CCNT2: variants seen among roughly 807,000 people sequenced by gnomAD.
CCNT2 encodes cyclin T2.
Under a neutral mutation model 70.0 loss-of-function variants are expected in CCNT2, and 18 were observed. The ratio of observed to expected loss-of-function variants is 0.26; its 90% CI spans 0.18 to 0.38. The LOEUF (loss-of-function observed/expected upper bound fraction) is 0.38, where lower values mean the gene tolerates loss of function less well. Among genes scored for constraint, CCNT2 ranks in the 10% least tolerant of loss-of-function variants. The pLI, the probability that CCNT2 is intolerant of heterozygous loss-of-function variation, is 1.00. For synonymous variants in CCNT2, 334 were observed against 313.3 expected (o/e 1.07, Z -0.70); for missense variants, 734 against 890.2 (o/e 0.82, Z 2.23).
chr2:134,943,847 A>G, intron 5 of CCNT2: 2 of 985,070 alleles, frequency 2.0e-6, no homozygotes, highest in Non-Finnish European at 2.4e-6. Flanking sequence ...AGAATTTTGC[A>G]GTTTCATTCA....
Position 134,936,882 on chromosome 2 carries a change from A to G in CCNT2, c.282A>G (p.Glu94=). ...CATTATTTTTGGCTGCAAAAGTGGA[A>G]GAACAGGCTCGAAAACTTGAACATG... ...STALFLAAKV[E]EQARKLEHVI... is the part of the protein sequence containing the mutation. The change falls in exon 3 of 9, where the codon GAA becomes GAG. Residue 94 remains glutamate (E), a synonymous_variant. Transcript: ENST00000264157. 1.2e-6 allele frequency: 2 copies of G among 1,613,692 alleles called. No homozygotes were observed. The highest frequency in any genetic ancestry group is 1.7e-6 in the Non-Finnish European group (2 of 1,179,632).
chr2:134,952,908 T>A (rs1389428811), intron 8 of CCNT2, 197 bp downstream of exon 8: 16 of 491,986 alleles, frequency 3.3e-5, no homozygotes, highest in Non-Finnish European at 5.0e-5. Flanking sequence ...TTTTAAAAAA[T>A]TTTTTGCAGT....
At position 134,952,747 on chromosome 2, in the gene CCNT2, CT is replaced by C. The variant is rs755696650; in HGVS notation, c.774+40del. On this transcript the variant is annotated intron_variant, in intron 8 of 8. Transcript: ENST00000264157. ...TGACAGGGTTTAACAGAATTTCAGT[CT>C]TTTATGTAACATTTACATAGCTAAC... 2.0e-6 allele frequency: 3 copies of C among 1,475,548 alleles called. No homozygotes were observed. In the African/African-American group the frequency reaches 4.2e-5, roughly 21 times the overall value. 91.4% of individuals were successfully genotyped at this position (1,475,548 alleles called of 1,614,324 possible).
At position 134,936,977 on chromosome 2, in the gene CCNT2, A is replaced by G. The variant is rs368679588; in HGVS notation, c.369+8A>G. 3.8e-6 allele frequency: 6 copies of G among 1,582,764 alleles called. No homozygotes were observed. The highest frequency in any genetic ancestry group is 1.7e-4 in the Middle Eastern group (1 of 5,958). On this transcript the variant is annotated splice_region_variant and intron_variant, in intron 3 of 8. Transcript: ENST00000264157. ...CTGGATACTAAATGTGATGTATGTA[A>G]ATACTGGGTTTTTTATTTTTCTTTG... is the stretch of plus-strand genomic sequence containing the variant.
At position 134,953,275 on chromosome 2, in the gene CCNT2, G is replaced by A; in HGVS notation, c.820G>A (p.Glu274Lys). 1 of 1,614,000 alleles carries A rather than the reference G, an allele frequency of 6.2e-7. No individual in the cohort carries two copies. The highest frequency in any genetic ancestry group is 8.5e-7 in the Non-Finnish European group (1 of 1,179,906). Residue 274 changes from glutamate (E) to lysine (K), a missense_variant, in exon 9 of 9, where the codon GAG becomes AAG. By Grantham distance (56) the Glu-to-Lys change is moderately conservative (BLOSUM62 1). Transcript: ENST00000264157. ...ACCAAAAGTAGATGGACAGGTATCA[G>A]AGACACCACTTCTTGGTTCATCTTT... ...RKPKVDGQVS[E>K]TPLLGSSLVQ...
intron 7 of CCNT2, 109 bp downstream of exon 7, chr2:134,948,008 C>A: frequency 3.5e-6 from 2 of 570,122 alleles, no homozygotes; most frequent in South Asian, 4.7e-5. Flanking sequence ...ATGAAAACAA[C>A]AATTCATCAG....
intron 2 of CCNT2, among the ~76,000 whole-genome samples, chr2:134,936,189 CTTA>C (rs1681141155): frequency 7.1e-6 from 1 of 141,426 alleles, no homozygotes; most frequent in South Asian, 2.2e-4. Context: ...CATCTTTTTG[CTTA>C]TTTTCTTCTT....
At chr2:134,949,804 G>T (rs917619749) in intron 7 of CCNT2, among the ~76,000 whole-genome samples, 4 of 137,610 alleles carry the variant, frequency 2.9e-5, no homozygotes, top group Non-Finnish European at 6.3e-5. Context: ...TTTTTTTTCG[G>T]GGGGGGGGTG....
chr2:134,931,363 G>C (rs1446278148), intron 2 of CCNT2, among the ~76,000 whole-genome samples: 1 of 143,434 alleles, frequency 7.0e-6, no homozygotes, highest in Non-Finnish European at 1.5e-5. Context: ...TCTTGGGATT[G>C]TTAGTGAAAA....
chr2:134,925,625 CATT>C (rs1680238023), intron 2 of CCNT2, among the ~76,000 whole-genome samples: 2 of 152,088 alleles, frequency 1.3e-5, no homozygotes, highest in Non-Finnish European at 2.9e-5. Flanking sequence ...CTGTACTACC[CATT>C]ATTCCACTGT....
chr2:134,945,321 A>C, intron 5 of CCNT2: 1 of 985,332 alleles, frequency 1.0e-6, no homozygotes, highest in Non-Finnish European at 1.2e-6. Flanking sequence ...TTGTGGATGT[A>C]ATTGGGAAAA....
At chr2:134,920,375 A>C (rs1156292219) in intron 2 of CCNT2, 1 of 152,344 alleles carries the variant, frequency 6.6e-6, no homozygotes, top group Non-Finnish European at 1.5e-5. Flanking sequence ...GTAATTTCTT[A>C]AGATGTCAAC....
rs1182543688 is a variant in CCNT2 at position 134,957,824 on chromosome 2, TA to T, written c.*3178del. The stretch of plus-strand genomic sequence containing the variant: ...TTCAGAGTCATCTAAAAGAAATTTC[TA>T]ACATGATGTATGGTTTCTTGAATGT... On this transcript the variant is annotated 3_prime_UTR_variant, in exon 9 of 9. Coordinates refer to ENST00000264157, the MANE Select transcript of CCNT2 (RefSeq NM_058241.3). 6.6e-6 allele frequency: 1 copy of T among 152,218 alleles called. No homozygotes were observed. Among genetic ancestry groups the T allele is most frequent in the Non-Finnish European group, 1.5e-5 (1 of 68,036 alleles). 9.4% of individuals were successfully genotyped at this position (152,218 alleles called of 1,614,324 possible). A position where few individuals can be genotyped will look rare whatever the true frequency, so the allele number is the denominator to read the frequency against.
intron 3 of CCNT2, 31 bp downstream of exon 3, chr2:134,937,000 T>C (rs1559099893): frequency 1.1e-5 from 17 of 1,546,026 alleles, no homozygotes; most frequent in Non-Finnish European, 1.4e-5. Flanking sequence ...TTATTTTTCT[T>C]TGTAAATTTG....
chr2:134,932,865 C>T (rs1490441166), intron 2 of CCNT2, among the ~76,000 whole-genome samples: 1 of 152,204 alleles, frequency 6.6e-6, no homozygotes, highest in Non-Finnish European at 1.5e-5. Context: ...GACCTTCTTT[C>T]TATAAGCCTG....
intron 7 of CCNT2, among the ~76,000 whole-genome samples, chr2:134,950,140 A>G (rs1682355978): frequency 6.6e-6 from 1 of 152,192 alleles, no homozygotes. Context: ...GTGCTGAAGT[A>G]AAAAGATCAC....
chr2:134,931,750 A>G (rs1403942849), intron 2 of CCNT2, among the ~76,000 whole-genome samples: 1 of 152,152 alleles, frequency 6.6e-6, no homozygotes, highest in African/African-American at 2.4e-5. Context: ...TTGTTTCACA[A>G]TACAAGTCAT....
chr2:134,946,080 G>GTT (rs201814332), intron 5 of CCNT2, 21 bp from the exon 6 acceptor site: 1,010 of 1,345,760 alleles, frequency 7.5e-4, no homozygotes, highest in East Asian at 4.5e-3. Context: ...TATTGTCTTC[G>GTT]TTTTTTTTTT....
At position 134,954,573 on chromosome 2, in the gene CCNT2, C is replaced by T. The variant is rs902705598; in HGVS notation, c.2118C>T (p.Ser706=). 1 of 1,614,044 alleles carries T rather than the reference C, an allele frequency of 6.2e-7. No homozygotes were observed. Among genetic ancestry groups the T allele is most frequent in the Non-Finnish European group, 8.5e-7 (1 of 1,179,890 alleles). ...GPDANHEYST[S]SQHMDYKDTF... ...ATGCCAATCACGAGTACAGTACAAG[C>T]AGCCAGCATATGGACTACAAAGACA... Residue 706 remains serine (S), a synonymous_variant, in exon 9 of 9, where the codon AGC becomes AGT. Coordinates refer to ENST00000264157, the MANE Select transcript of CCNT2 (RefSeq NM_058241.3).
Sources: allele counts gnomAD v4.1 joint callset (sites outside exome capture counted in the v4.1 genomes callset), GRCh38; gene constraint gnomAD v4.1.1; transcripts MANE v1.5; gene names NCBI Gene and HGNC (gene_info 2026-07-23, HGNC 2026-07-21).